Variants in BUD31 observed in about 807,000 individuals in gnomAD.
BUD31 encodes the protein protein BUD31 homolog.
BUD31 carries 9 observed loss-of-function variants against 17.9 expected under a neutral mutation model. The observed-to-expected ratio is 0.50, with a 90% CI of 0.30 to 0.88. The LOEUF is 0.88. Among genes scored for constraint, BUD31 ranks in the 40% least tolerant of loss-of-function variants. The probability of loss-of-function intolerance (pLI) is 0.06; values close to 1 mark genes in which losing one functional copy is unlikely to be tolerated. For missense variants in BUD31, 148 were observed against 184.5 expected, an observed-to-expected ratio of 0.80 and a Z score of 1.15; for synonymous variants, 70 against 64.7, an observed-to-expected ratio of 1.08 and a Z score of -0.39.
chr7:99,411,847 C>T (rs1199688677), intron 3 of BUD31: 1 of 382,904 alleles, frequency 2.6e-6, no homozygotes, highest in Non-Finnish European at 5.2e-6. Context: ...ATTTGGATTA[C>T]AGGCATGCGC....
intron 5 of BUD31, chr7:99,417,820 G>T: frequency 6.7e-7 from 1 of 1,494,142 alleles, no homozygotes; most frequent in Admixed American, 2.1e-5. Context: ...TCCACTTTTG[G>T]GCAAATTACT....
chr7:99,414,765 C>A (rs914982559), intron 3 of BUD31, among the ~76,000 whole-genome samples: 2 of 151,786 alleles, frequency 1.3e-5, no homozygotes, highest in Non-Finnish European at 2.9e-5. Context: ...CCTGCTAATT[C>A]TTTTGTATTT....
In BUD31 at chr7:99,419,449, G is replaced by A. The variant is rs199951576; in HGVS notation, c.*8G>A. 6.9e-5 allele frequency: 111 copies of A among 1,610,698 alleles called. No homozygotes were observed. The highest frequency in any genetic ancestry group is 3.3e-4 in the East Asian group (15 of 44,878). On this transcript the variant is annotated 3_prime_UTR_variant, in exon 6 of 6. Transcript: ENST00000222969. ...CGTGGCTGCTCTGGCTGAGGCTGGCGCGCTCCACCCTGGACTCTGGACTTC... is the reference window on the plus strand; with the variant it reads ...CGTGGCTGCTCTGGCTGAGGCTGGCACGCTCCACCCTGGACTCTGGACTTC...
intron 3 of BUD31, among the ~76,000 whole-genome samples, chr7:99,413,447 T>G (rs537554120): frequency 1.3e-4 from 20 of 152,314 alleles, no homozygotes; most frequent in Admixed American, 4.6e-4. Context: ...CTAAAGGACT[T>G]TGGCTGGGAG....
intron 3 of BUD31, 67 bp downstream of exon 3, chr7:99,411,253 G>A (rs1795172446): frequency 1.7e-6 from 2 of 1,210,494 alleles, no homozygotes; most frequent in Non-Finnish European, 2.4e-6. Flanking sequence ...GCCCCCAGGG[G>A]ACAGGCATAA....
At chr7:99,417,076 TG>T in intron 4 of BUD31, 2 of 236,510 alleles carry the variant, frequency 8.5e-6, no homozygotes, top group South Asian at 4.7e-5. Flanking sequence ...TTTTTTTTTT[TG>T]AGATGGAGTT....
intron 5 of BUD31, 155 bp from the exon 6 acceptor site, chr7:99,419,236 A>G: frequency 4.7e-6 from 4 of 845,866 alleles, no homozygotes; most frequent in Non-Finnish European, 7.4e-6. Context: ...GAGGGAGCCA[A>G]ATTTTCCCTG....
chr7:99,411,831 C>T (rs1273993070), intron 3 of BUD31: 7 of 401,586 alleles, frequency 1.7e-5, no homozygotes, highest in Middle Eastern at 7.9e-4. Context: ...CTCAGCCTCT[C>T]GAGTAATTTG....
rs1484236880 is a variant in BUD31, at chr7:99,409,022, G to C, written c.-389G>C. 1.3e-5 allele frequency: 2 copies of C among 153,232 alleles called. No homozygotes were observed. Among genetic ancestry groups the C allele is most frequent in the Non-Finnish European group, 2.9e-5 (2 of 68,744 alleles). The allele number at this position is 153,232 out of a possible 1,614,324, so 9.5% of individuals were successfully genotyped here. A position where few individuals can be genotyped will look rare whatever the true frequency, so the allele number is the denominator to read the frequency against. ...AGCTTCCGGTATGTGTTTTCCCTCT[G>C]TTCTCGATTACCTTGGCAACGGCTG... is the stretch of plus-strand genomic sequence containing the variant. On this transcript the variant is annotated 5_prime_UTR_variant, in exon 1 of 6. Coordinates refer to ENST00000222969, the MANE Select transcript of BUD31 (RefSeq NM_003910.4).
rs187117007 is a variant in BUD31 at position 99,415,101 on chromosome 7, A to C, written c.95-1037A>C. On this transcript the variant is annotated intron_variant, in intron 3 of 5. Coordinates refer to ENST00000222969, the MANE Select transcript of BUD31 (RefSeq NM_003910.4). ...TTCTCCCCGTGTGTGGAGACGAGAG[A>C]GCGTAGAAATAAAGACACAAGACAA... 150 of 415,210 alleles carry C rather than the reference A, an allele frequency of 3.6e-4. 1 individual carries two copies. The highest frequency in any genetic ancestry group is 1.4e-3 in the Admixed American group (51 of 36,004). 25.7% of individuals were successfully genotyped at this position (415,210 alleles called of 1,614,324 possible). A position where few individuals can be genotyped will look rare whatever the true frequency, so the allele number is the denominator to read the frequency against.
chr7:99,418,043 C>G (rs1158999231), intron 5 of BUD31: 1 of 1,072,390 alleles, frequency 9.3e-7, no homozygotes, highest in Non-Finnish European at 1.2e-6. Context: ...TCTTGGCTCA[C>G]TGCAACCTCC....
chr7:99,416,392 G>A (rs1167702768), intron 4 of BUD31, 132 bp downstream of exon 4: 17 of 1,188,834 alleles, frequency 1.4e-5, no homozygotes, highest in African/African-American at 3.1e-5. Context: ...GGGAGCCAAC[G>A]TTGGCTGAGT....
intron 4 of BUD31, 185 bp downstream of exon 4, chr7:99,416,445 A>C: frequency 1.5e-6 from 1 of 669,588 alleles, no homozygotes; most frequent in East Asian, 3.5e-5. Context: ...TTTGAGATGG[A>C]GTCTCACTCT....
intron 4 of BUD31, chr7:99,416,669 T>C (rs1255744703): frequency 6.4e-6 from 1 of 157,226 alleles, no homozygotes; most frequent in Non-Finnish European, 1.4e-5. Flanking sequence ...TTCACCCGAC[T>C]CGGTCTCCCA....
chr7:99,419,548 G>T lies in BUD31; in HGVS notation c.*107G>T. 1 of 1,295,216 alleles carries T rather than the reference G, an allele frequency of 7.7e-7. No homozygotes were observed. The highest frequency in any genetic ancestry group is 1.1e-6 in the Non-Finnish European group (1 of 906,926). The allele number at this position is 1,295,216 out of a possible 1,614,324, so 80.2% of individuals were successfully genotyped here. ...TGCCCCAGGCCCGAGTTGGAGCACG[G>T]TCTCTATGGGGAAGGCTTCGCTGTC... On this transcript the variant is annotated 3_prime_UTR_variant, in exon 6 of 6. Coordinates refer to ENST00000222969, the MANE Select transcript of BUD31 (RefSeq NM_003910.4).
intron 3 of BUD31, among the ~76,000 whole-genome samples, chr7:99,414,267 G>A (rs946590356): frequency 2.6e-5 from 4 of 151,774 alleles, no homozygotes; most frequent in African/African-American, 7.3e-5. Flanking sequence ...AGCCTCTTGA[G>A]AAGCTGGGAT....
At chr7:99,411,208 TG>T (rs1795170085) in intron 3 of BUD31, 22 bp downstream of exon 3, 4 of 1,595,464 alleles carry the variant, frequency 2.5e-6, no homozygotes, top group Non-Finnish European at 3.4e-6. Context: ...AGTTCCTGTC[TG>T]GGTGGGCTGG....
chr7:99,417,449 A>G lies in BUD31; in HGVS notation c.238A>G (p.Lys80Glu). The G allele has an allele frequency of 6.2e-7, 1 of 1,613,858 alleles. No individual in the cohort carries two copies. Reference protein sequence around the residue: ...ISRELYEYCIKEGYADKNLIA... With the variant: ...ISRELYEYCIEEGYADKNLIA... Reference sequence around the variant, plus strand: ...GACAGAACTCTATGAATATTGTATTAAAGAAGGCTATGCAGACAAAAACCT... The same window carrying G: ...GACAGAACTCTATGAATATTGTATTGAAGAAGGCTATGCAGACAAAAACCT... Residue 80 changes from lysine (K) to glutamate (E), a missense_variant, in exon 5 of 6, where the codon AAA (lysine) becomes GAA (glutamate). Physicochemically the swap from Lys to Glu is moderately conservative, Grantham distance 56 (BLOSUM62 1). Transcript: ENST00000222969.
rs1473645176 is a variant in BUD31, at chr7:99,411,198, A to C, written c.94+12A>C. 15 of 1,610,530 alleles carry C rather than the reference A, an allele frequency of 9.3e-6. No individual in the cohort carries two copies. The highest frequency in any genetic ancestry group is 1.7e-4 in the Middle Eastern group (1 of 6,060). On this transcript the variant is annotated intron_variant, in intron 3 of 5. Coordinates refer to ENST00000222969, the MANE Select transcript of BUD31 (RefSeq NM_003910.4). ...AAAGATGAGAGAAGGTGAGTAGGGG[A>C]GTTCCTGTCTGGGTGGGCTGGGTCC...
Sources: gnomAD v4.1 joint callset for allele counts (sites outside exome capture counted in the v4.1 genomes callset) on GRCh38, gnomAD v4.1.1 for gene constraint, MANE v1.5 for transcripts, NCBI Gene and HGNC (gene_info 2026-07-23, HGNC 2026-07-21) for gene names.